The following NXNL2 variants were observed in gnomAD, a reference collection of about 807,000 sequenced individuals.
NXNL2 encodes the protein nucleoredoxin-like protein 2.
Under a neutral mutation model 11.1 loss-of-function variants are expected in NXNL2, and 7 were observed. The ratio of observed to expected loss-of-function variants is 0.63; its 90% CI spans 0.36 to 1.18. The LOEUF is 1.18. Among genes scored for constraint, NXNL2 ranks in the 50% most tolerant of loss-of-function variants. NXNL2 has a pLI of 0.02. For synonymous variants in NXNL2, 109 were observed against 101.8 expected, an observed-to-expected ratio of 1.07 and a Z score of -0.42; for missense variants, 233 against 217.7, an observed-to-expected ratio of 1.07 and a Z score of -0.44.
chr9:88,545,159 A>G (rs1296086444), downstream of NXNL2, among the ~76,000 whole-genome samples: 1 of 152,226 alleles, frequency 6.6e-6, no homozygotes, highest in South Asian at 2.1e-4. Flanking sequence ...CAGTATTACA[A>G]TATCCTAGAA....
intron 1 of NXNL2, among the ~76,000 whole-genome samples, chr9:88,583,430 G>A (rs1487102965): frequency 2.0e-5 from 3 of 152,180 alleles, no homozygotes; most frequent in Non-Finnish European, 4.4e-5. Context: ...AATGGTATTT[G>A]ACGCTGCATG....
At chr9:88,543,721 AAGTT>A (rs1667988902) in intron 1 of NXNL2, among the ~76,000 whole-genome samples, 2 of 152,224 alleles carry the variant, frequency 1.3e-5, no homozygotes, top group South Asian at 4.1e-4. Flanking sequence ...TTTAAATTAA[AAGTT>A]AATTAAAATG....
At chr9:88,565,662 T>C (rs1255016281) in intron 1 of NXNL2, among the ~76,000 whole-genome samples, 3 of 152,104 alleles carry the variant, frequency 2.0e-5, no homozygotes, top group Non-Finnish European at 4.4e-5. Context: ...CTCAGCCTCC[T>C]GAGCAGCTGG....
At chr9:88,569,320 A>C (rs1046233736) in intron 1 of NXNL2, among the ~76,000 whole-genome samples, 28 of 152,200 alleles carry the variant, frequency 1.8e-4, no homozygotes, top group African/African-American at 6.5e-4. Flanking sequence ...TTGTAAAGAT[A>C]ATCCTTTCTT....
At chr9:88,556,232 G>T (rs909738037) in intron 1 of NXNL2, among the ~76,000 whole-genome samples, 1 of 152,148 alleles carries the variant, frequency 6.6e-6, no homozygotes, top group African/African-American at 2.4e-5. Context: ...CAGCTCGTTT[G>T]CCCACTGCTG....
chr9:88,557,988 A>G (rs959448419), intron 1 of NXNL2, among the ~76,000 whole-genome samples: 5 of 152,210 alleles, frequency 3.3e-5, no homozygotes, highest in African/African-American at 4.8e-5. Context: ...ACTGTGAAAT[A>G]TATATTTGGG....
At position 88,557,101 on chromosome 9, in the gene NXNL2, A is replaced by G. The variant is rs866162959; in HGVS notation, c.303-13986A>G. Among the ~76,000 whole-genome samples the G allele has an allele frequency of 3.8e-3, 553 of 144,106 alleles. 6 individuals carry two copies. Among genetic ancestry groups the G allele is most frequent in the African/African-American group, 0.015 (521 of 34,648 alleles). 94.5% of individuals were successfully genotyped at this position (144,106 alleles called of 152,430 possible). On this transcript the variant is annotated intron_variant, in intron 1 of 2. Transcript: ENST00000375855. ...ATCTCAAAAAAAAAAAAAAAAAAAAAAAAGAAAGATGTTGAAATTCTGTTA... is the reference window on the plus strand; with the variant it reads ...ATCTCAAAAAAAAAAAAAAAAAAAAGAAAGAAAGATGTTGAAATTCTGTTA...
chr9:88,566,909 TCTA>T lies in NXNL2; in HGVS notation c.303-4177_303-4175del, dbSNP rs879546911. Among the ~76,000 whole-genome samples the T allele has an allele frequency of 8.2e-4, 125 of 151,752 alleles. 1 individual carries two copies. The highest frequency in any genetic ancestry group is 4.3e-3 in the Admixed American group (65 of 15,212). ...TATCTAGCCTATTATCTATCTATCA[TCTA>T]TCTATCTATCTATCTAATCTAGCTC... On this transcript the variant is annotated intron_variant, in intron 1 of 2. Coordinates refer to the NXNL2 transcript ENST00000375855.
chr9:88,565,739 A>T (rs1830159637), intron 1 of NXNL2, among the ~76,000 whole-genome samples: 1 of 151,958 alleles, frequency 6.6e-6, no homozygotes, highest in African/African-American at 2.4e-5. Flanking sequence ...GTTTCACCAC[A>T]TTGGCCAGGC....
chr9:88,567,203 A>AC (rs1373439584), intron 1 of NXNL2, among the ~76,000 whole-genome samples: 1 of 152,110 alleles, frequency 6.6e-6, no homozygotes, highest in Admixed American at 6.5e-5. Context: ...CAATGACGTA[A>AC]CCTAGGTTCA....
intron 2 of NXNL2, among the ~76,000 whole-genome samples, chr9:88,572,446 G>A (rs892020720): frequency 4.6e-5 from 7 of 152,248 alleles, no homozygotes; most frequent in Middle Eastern, 3.4e-3. Context: ...TCTAAGTAGC[G>A]GCTCCTCCTG....
intron 1 of NXNL2, among the ~76,000 whole-genome samples, chr9:88,583,509 G>A (rs1830431230): frequency 6.6e-6 from 1 of 152,190 alleles, no homozygotes; most frequent in Admixed American, 6.5e-5. Flanking sequence ...GGGTCTGACT[G>A]TTCACGGGTG....
At chr9:88,549,202 A>G (rs558643789), downstream of NXNL2, among the ~76,000 whole-genome samples, 18 of 152,268 alleles carry the variant, frequency 1.2e-4, no homozygotes, top group African/African-American at 3.6e-4. Flanking sequence ...TGTCCCTTCT[A>G]TCGTCTTGAA....
chr9:88,557,800 A>G (rs1830037364), intron 1 of NXNL2, among the ~76,000 whole-genome samples: 1 of 152,224 alleles, frequency 6.6e-6, no homozygotes, highest in South Asian at 2.1e-4. Flanking sequence ...CAGGTTAGAT[A>G]GAGCATAATT....
chr9:88,549,844 T>G (rs1829902558), downstream of NXNL2, among the ~76,000 whole-genome samples: 2 of 152,052 alleles, frequency 1.3e-5, no homozygotes, highest in Non-Finnish European at 2.9e-5. Context: ...CTTTTTTTGT[T>G]TTTTTAGATG....
At chr9:88,567,653 A>G (rs1830196242) in intron 1 of NXNL2, among the ~76,000 whole-genome samples, 1 of 152,224 alleles carries the variant, frequency 6.6e-6, no homozygotes, top group Non-Finnish European at 1.5e-5. Context: ...TTTTCTAAAC[A>G]GTGTGCCAGT....
At chr9:88,580,153 CT>C (rs756690090), downstream of NXNL2, among the ~76,000 whole-genome samples, 17,467 of 127,644 alleles carry the variant, frequency 0.14, 2,116 homozygotes, top group East Asian at 0.85. Context: ...AAAAAAAATT[CT>C]TTTTTTTTTT....
chr9:88,544,980 A>T (rs1419084733), downstream of NXNL2: 1 of 766,244 alleles, frequency 1.3e-6, no homozygotes, highest in Admixed American at 6.2e-5. Flanking sequence ...TTAATAAACA[A>T]GTCTATTGCC....
intron 2 of NXNL2, among the ~76,000 whole-genome samples, chr9:88,572,239 G>A (rs888894684): frequency 2.0e-5 from 3 of 152,162 alleles, no homozygotes; most frequent in African/African-American, 7.2e-5. Context: ...ATTACTGGGG[G>A]CTTTCTCTAT....
Sources: gnomAD v4.1 joint callset for allele counts (sites outside exome capture counted in the v4.1 genomes callset) on GRCh38, gnomAD v4.1.1 for gene constraint, MANE v1.5 for transcripts, NCBI Gene and HGNC (gene_info 2026-07-23, HGNC 2026-07-21) for gene names.